PPARA: variants seen among roughly 807,000 people sequenced by gnomAD.
PPARA encodes peroxisome proliferator activated receptor alpha, also known as peroxisome proliferator-activated receptor alpha.
In PPARA, 22 loss-of-function variants were observed where a neutral mutation model predicts 42.2. That is an observed-to-expected ratio of 0.52 (90% CI 0.37 to 0.74). The LOEUF is 0.74. Ranked by LOEUF, PPARA falls within the 30% of genes least tolerant of loss-of-function variation. The pLI is 0.00. For synonymous variants in PPARA, 242 were observed against 239.3 expected (o/e 1.01, Z -0.10); for missense variants, 465 against 608.2 (o/e 0.76, Z 2.48).
rs2147269090 is a variant in PPARA, at chr22:46,182,574, T to A, written c.-43+5738T>A. 6.6e-6 allele frequency among the ~76,000 whole-genome samples: 1 copy of A among 152,150 alleles called. No individual in the cohort carries two copies. The highest frequency in any genetic ancestry group is 2.4e-5 in the African/African-American group (1 of 41,508). ...GCATGGAGGGGCAAGAGGGAGAGAT[T>A]AGATGGGCACAGGAGAGCTTTGAGG... On this transcript the variant is annotated intron_variant, in intron 3 of 8. Transcript: ENST00000407236. The surrounding 1 kb of genome is among the most constrained non-coding windows in gnomAD (Gnocchi z 5.2).
intron 4 of PPARA, among the ~76,000 whole-genome samples, chr22:46,199,725 T>C (rs1932765929): frequency 6.6e-6 from 1 of 152,214 alleles, no homozygotes; most frequent in Non-Finnish European, 1.5e-5. Flanking sequence ...TAAAATCTTT[T>C]ATTTTTTATT....
At chr22:46,220,052 A>C in intron 7 of PPARA, 38 bp downstream of exon 7, 1 of 1,602,522 alleles carries the variant, frequency 6.2e-7, no homozygotes, top group Non-Finnish European at 8.5e-7. Context: ...TCTTGGCAAC[A>C]TGGAACCAGT....
At chr22:46,220,208 G>A in intron 7 of PPARA, 194 bp downstream of exon 7, 1 of 708,276 alleles carries the variant, frequency 1.4e-6, no homozygotes, top group East Asian at 2.8e-5. Flanking sequence ...CTTCTTGCTT[G>A]GAGCCACCTC....
rs1419928598 is a variant in PPARA, at chr22:46,225,753, TCA to T, written c.711+5744_711+5745del. ...CATCCATGCTCACATGGGTACACAC[TCA>T]CACATCCATGCATGCACGTGTAAAC... On this transcript the variant is annotated intron_variant, in intron 7 of 8. Transcript: ENST00000407236. The surrounding 1 kb of genome is among the most constrained non-coding windows in gnomAD (Gnocchi z 4.1). Among the ~76,000 whole-genome samples, 2 of 106,086 alleles carry T rather than the reference TCA, an allele frequency of 1.9e-5. No individual in the cohort carries two copies. The highest frequency in any genetic ancestry group is 3.3e-5 in the African/African-American group (1 of 30,322). The allele number at this position is 106,086 out of a possible 152,430, so 69.6% of individuals were successfully genotyped here.
At chr22:46,223,026 G>A (rs1384387224) in intron 7 of PPARA, among the ~76,000 whole-genome samples, 1 of 152,142 alleles carries the variant, frequency 6.6e-6, no homozygotes, top group Non-Finnish European at 1.5e-5. Flanking sequence ...CAGGCATGGT[G>A]GCACATGCCT....
At chr22:46,199,350 A>G (rs1346194890) in intron 4 of PPARA, among the ~76,000 whole-genome samples, 1 of 152,144 alleles carries the variant, frequency 6.6e-6, no homozygotes. Context: ...AGAACAGACT[A>G]GGCTAGGCGC....
rs865959048 is a variant in PPARA at position 46,183,099 on chromosome 22, G to A, written c.-43+6263G>A. Among the ~76,000 whole-genome samples the A allele has an allele frequency of 6.6e-6, 1 of 152,352 alleles. No individual in the cohort carries two copies. Among genetic ancestry groups the A allele is most frequent in the East Asian group, 1.9e-4 (1 of 5,192 alleles). ...TTGTCTTGAAATAAGCATTAGAACT[G>A]TGGCTTTGGCTCTGAAATCCTCATC... On this transcript the variant is annotated intron_variant, in intron 3 of 8. Coordinates refer to ENST00000407236, the MANE Select transcript of PPARA (RefSeq NM_005036.6). The surrounding 1 kb of genome is among the most constrained non-coding windows in gnomAD (Gnocchi z 5.5).
Position 46,192,830 on chromosome 22 carries a change from A to G in PPARA, c.-42-5512A>G, listed in dbSNP as rs929101501. ...ATGAGATCCTGTCATTTACAACAACATGGGTGGAACTGGAGATCATTATGT... is the reference window on the plus strand; with the variant it reads ...ATGAGATCCTGTCATTTACAACAACGTGGGTGGAACTGGAGATCATTATGT... On this transcript the variant is annotated intron_variant, in intron 3 of 8. Transcript: ENST00000407236. The surrounding 1 kb of genome is among the most constrained non-coding windows in gnomAD (Gnocchi z 4.3). Among the ~76,000 whole-genome samples, 1 of 152,198 alleles carries G rather than the reference A, an allele frequency of 6.6e-6. No homozygotes were observed. Among genetic ancestry groups the G allele is most frequent in the Admixed American group, 6.5e-5 (1 of 15,276 alleles).
rs1350891452 is a variant in PPARA, at chr22:46,191,803, C to T, written c.-42-6539C>T. ...GATATTGAGGCCAGGCGCGGTGGCT[C>T]ATGCCTGTAATCCCAGCACTTTGGG... On this transcript the variant is annotated intron_variant, in intron 3 of 8. Coordinates refer to ENST00000407236, the MANE Select transcript of PPARA (RefSeq NM_005036.6). This position sits in a 1 kb window ranked among gnomAD's most constrained non-coding sequence, Gnocchi z 4.6. Among the ~76,000 whole-genome samples, 1 of 152,182 alleles carries T rather than the reference C, an allele frequency of 6.6e-6. No homozygotes were observed. Among genetic ancestry groups the T allele is most frequent in the Non-Finnish European group, 1.5e-5 (1 of 68,030 alleles).
chr22:46,219,109 C>A lies in PPARA; in HGVS notation c.509-703C>A, dbSNP rs1284215441. ...CCCGGGAGGCGGAGGTTGCAGTGAG[C>A]TGAGATCGCACCACTGCACTCCAGC... On this transcript the variant is annotated intron_variant, in intron 6 of 8. Transcript: ENST00000407236. The surrounding 1 kb of genome is among the most constrained non-coding windows in gnomAD (Gnocchi z 4.8). Among the ~76,000 whole-genome samples, 1 of 151,782 alleles carries A rather than the reference C, an allele frequency of 6.6e-6. No individual in the cohort carries two copies. The highest frequency in any genetic ancestry group is 1.5e-5 in the Non-Finnish European group (1 of 67,996).
chr22:46,174,667 A>C (rs984600683), intron 2 of PPARA, among the ~76,000 whole-genome samples: 7 of 152,096 alleles, frequency 4.6e-5, no homozygotes, highest in Non-Finnish European at 8.8e-5. Flanking sequence ...AATTTAAAAA[A>C]TTATCCAGGC....
Position 46,198,352 on chromosome 22 carries a change from C to T in PPARA, c.-32C>T, listed in dbSNP as rs752096251. On this transcript the variant is annotated 5_prime_UTR_variant, in exon 4 of 9. Coordinates refer to ENST00000407236, the MANE Select transcript of PPARA (RefSeq NM_005036.6). The stretch of plus-strand genomic sequence containing the variant: ...CCTCTTTCCTCCCAGTAGCTTGGAG[C>T]TCGGCGGCACAACCAGCACCATCTG... 6 of 1,601,046 alleles carry T rather than the reference C, an allele frequency of 3.7e-6. No homozygotes were observed. Among genetic ancestry groups the T allele is most frequent in the Non-Finnish European group, 5.1e-6 (6 of 1,168,748 alleles).
chr22:46,227,673 C>T lies in PPARA; in HGVS notation c.712-4119C>T, dbSNP rs1182843276. Among the ~76,000 whole-genome samples the T allele has an allele frequency of 6.6e-6, 1 of 152,222 alleles. No individual in the cohort carries two copies. ...GGGACCAGTGTGGCAGCAAGCGGGG[C>T]GTTCTGCTCTCGGCATGGAGTGATT... On this transcript the variant is annotated intron_variant, in intron 7 of 8. Transcript: ENST00000407236. This position sits in a 1 kb window ranked among gnomAD's most constrained non-coding sequence, Gnocchi z 4.3.
rs933361696 is a variant in PPARA, at chr22:46,238,492, G to A, written c.*3112G>A. On this transcript the variant is annotated 3_prime_UTR_variant, in exon 9 of 9. Transcript: ENST00000407236. The surrounding 1 kb of genome is among the most constrained non-coding windows in gnomAD (Gnocchi z 8.3). ...TGTGGCACCCGCTCCCTCTGGCAGC[G>A]AATGTAGGAAGTCGCCAAATTTACC... is the stretch of plus-strand genomic sequence containing the variant. 6.6e-6 allele frequency: 1 copy of A among 152,234 alleles called. No individual in the cohort carries two copies. Among genetic ancestry groups the A allele is most frequent in the Non-Finnish European group, 1.5e-5 (1 of 68,048 alleles). 9.4% of individuals were successfully genotyped at this position (152,234 alleles called of 1,614,324 possible). A position where few individuals can be genotyped will look rare whatever the true frequency, so the allele number is the denominator to read the frequency against.
chr22:46,235,659 T>G lies in PPARA; in HGVS notation c.*279T>G, dbSNP rs1254837362. 2.1e-6 allele frequency: 1 copy of G among 468,112 alleles called. No individual in the cohort carries two copies. The highest frequency in any genetic ancestry group is 3.9e-6 in the Non-Finnish European group (1 of 253,998). The allele number at this position is 468,112 out of a possible 1,614,324, so 29.0% of individuals were successfully genotyped here. A position where few individuals can be genotyped will look rare whatever the true frequency, so the allele number is the denominator to read the frequency against. On this transcript the variant is annotated 3_prime_UTR_variant, in exon 9 of 9. Transcript: ENST00000407236. The surrounding 1 kb of genome is among the most constrained non-coding windows in gnomAD (Gnocchi z 7.0). ...TGGTCTGATTTTAACTCACCCGATGTTAATCAATGCACATTGCTTTAGATC... is the reference window on the plus strand; with the variant it reads ...TGGTCTGATTTTAACTCACCCGATGGTAATCAATGCACATTGCTTTAGATC...
chr22:46,208,015 C>T (rs972904962), intron 4 of PPARA, among the ~76,000 whole-genome samples: 4 of 151,988 alleles, frequency 2.6e-5, no homozygotes, highest in South Asian at 4.2e-4. Flanking sequence ...TGGCTTGCAT[C>T]GTTTCTAAAA....
chr22:46,243,748 T>A lies in PPARA; in HGVS notation c.*8368T>A, dbSNP rs926728798. 9 of 152,226 alleles carry A rather than the reference T, an allele frequency of 5.9e-5. No homozygotes were observed. Among genetic ancestry groups the A allele is most frequent in the Non-Finnish European group, 1.0e-4 (7 of 68,028 alleles). The allele number at this position is 152,226 out of a possible 1,614,324, so 9.4% of individuals were successfully genotyped here. ...TGGTTTTAAAAAATAAACTATTTTT[T>A]AAAATTTTTTGGTGAGTTTTGAGTG... On this transcript the variant is annotated 3_prime_UTR_variant, in exon 9 of 9. Coordinates refer to ENST00000407236, the MANE Select transcript of PPARA (RefSeq NM_005036.6). The surrounding 1 kb of genome is among the most constrained non-coding windows in gnomAD (Gnocchi z 5.0).
rs1016520128 is a variant in PPARA at position 46,191,852 on chromosome 22, G to C, written c.-42-6490G>C. ...GGAGGCTGAGGCGGGCAGATCACGAGGTCAAGAGATCAAGACCATCCTGGC... is the reference window on the plus strand; with the variant it reads ...GGAGGCTGAGGCGGGCAGATCACGACGTCAAGAGATCAAGACCATCCTGGC... On this transcript the variant is annotated intron_variant, in intron 3 of 8. Transcript: ENST00000407236. This position sits in a 1 kb window ranked among gnomAD's most constrained non-coding sequence, Gnocchi z 4.6. Among the ~76,000 whole-genome samples, 5 of 152,228 alleles carry C rather than the reference G, an allele frequency of 3.3e-5. No individual in the cohort carries two copies. Among genetic ancestry groups the C allele is most frequent in the Non-Finnish European group, 7.3e-5 (5 of 68,040 alleles).
At position 46,235,518 on chromosome 22, in the gene PPARA, C is replaced by T. The variant is rs1475849675; in HGVS notation, c.*138C>T. The T allele has an allele frequency of 8.8e-6, 10 of 1,139,128 alleles. No individual in the cohort carries two copies. Among genetic ancestry groups the T allele is most frequent in the Non-Finnish European group, 1.3e-5 (10 of 790,692 alleles). 70.6% of individuals were successfully genotyped at this position (1,139,128 alleles called of 1,614,324 possible). A position where few individuals can be genotyped will look rare whatever the true frequency, so the allele number is the denominator to read the frequency against. On this transcript the variant is annotated 3_prime_UTR_variant, in exon 9 of 9. Coordinates refer to ENST00000407236, the MANE Select transcript of PPARA (RefSeq NM_005036.6). The surrounding 1 kb of genome is among the most constrained non-coding windows in gnomAD (Gnocchi z 7.0). Reference sequence around the variant, plus strand: ...CTTGGACAGTCTGAGCTGTAGGTAACCGGCATATTATTCCATATCTTTGTT... The same window carrying T: ...CTTGGACAGTCTGAGCTGTAGGTAATCGGCATATTATTCCATATCTTTGTT...
Sources: allele counts gnomAD v4.1 joint callset (sites outside exome capture counted in the v4.1 genomes callset), GRCh38; gene constraint gnomAD v4.1.1; non-coding constraint Gnocchi (gnomAD v3.1); transcripts MANE v1.5; gene names NCBI Gene and HGNC (gene_info 2026-07-23, HGNC 2026-07-21).